RELN: variants seen among roughly 807,000 people sequenced by gnomAD.
The protein encoded by RELN is reelin.
Under a neutral mutation model 427.6 loss-of-function variants are expected in RELN, and 108 were observed. That is an observed-to-expected ratio of 0.25 (90% CI 0.22 to 0.30). The LOEUF is 0.30. Ranked by LOEUF, RELN falls within the 10% of genes least tolerant of loss-of-function variation. The pLI is 1.00. For missense variants in RELN, 3,715 were observed against 4,302.8 expected (o/e 0.86, Z 3.82); for synonymous variants, 1,524 against 1,513.4 (o/e 1.01, Z -0.16).
At chr7:103,583,314 C>T (rs930703450) in intron 28 of RELN, among the ~76,000 whole-genome samples, 1 of 152,128 alleles carries the variant, frequency 6.6e-6, no homozygotes, top group Admixed American at 6.5e-5. Context: ...ATCGTGTGAA[C>T]CAATTTCCCC....
At chr7:103,510,065 G>A (rs1168531800) in intron 51 of RELN, among the ~76,000 whole-genome samples, 5 of 152,204 alleles carry the variant, frequency 3.3e-5, no homozygotes, top group South Asian at 4.1e-4. Context: ...TGCAACCATC[G>A]TGGAAGACAG....
intron 8 of RELN, among the ~76,000 whole-genome samples, chr7:103,716,983 C>A (rs143418728): frequency 6.6e-6 from 1 of 152,016 alleles, no homozygotes; most frequent in Non-Finnish European, 1.5e-5. Context: ...ACAGTCCCCC[C>A]AAAATGTTAA....
intron 5 of RELN, among the ~76,000 whole-genome samples, chr7:103,751,647 C>A (rs71558649): frequency 1.3e-5 from 2 of 152,158 alleles, no homozygotes; most frequent in Non-Finnish European, 2.9e-5. Flanking sequence ...CCAATCTGGC[C>A]GAGACTTGGC....
At position 103,877,306 on chromosome 7, in the gene RELN, C is replaced by T. The variant is rs116027624; in HGVS notation, c.337+39769G>A. On this transcript the variant is annotated intron_variant, in intron 2 of 64. Coordinates refer to ENST00000428762, the MANE Select transcript of RELN (RefSeq NM_005045.4). ...CTTACAGTTGCATATTGGACACTTC[C>T]ATTTGAATATCCCAACATGTCTGCC... 6.1e-3 allele frequency among the ~76,000 whole-genome samples: 928 copies of T among 152,210 alleles called. 12 individuals carry two copies. Among genetic ancestry groups the T allele is most frequent in the African/African-American group, 0.022 (898 of 41,538 alleles).
intron 32 of RELN, 80 bp downstream of exon 32, chr7:103,566,521 A>C: frequency 1.3e-6 from 2 of 1,595,324 alleles, no homozygotes; most frequent in Admixed American, 3.3e-5. Flanking sequence ...ACAGCAAATT[A>C]AGAAACACAC....
At chr7:103,880,587 G>C (rs1794584872) in intron 2 of RELN, among the ~76,000 whole-genome samples, 1 of 152,140 alleles carries the variant, frequency 6.6e-6, no homozygotes, top group South Asian at 2.1e-4. Flanking sequence ...TCAAATTTCT[G>C]CTCCTTTTCT....
At chr7:103,982,253 A>T (rs79682390) in intron 1 of RELN, among the ~76,000 whole-genome samples, 2 of 152,200 alleles carry the variant, frequency 1.3e-5, no homozygotes, top group East Asian at 3.8e-4. Context: ...TAAATGGCAG[A>T]GCAAGATATG....
chr7:103,795,054 C>A (rs1792266110), intron 3 of RELN, among the ~76,000 whole-genome samples: 2 of 152,134 alleles, frequency 1.3e-5, no homozygotes, highest in African/African-American at 4.8e-5. Context: ...TCCCCTAATG[C>A]CAACTAGTAT....
intron 11 of RELN, among the ~76,000 whole-genome samples, chr7:103,680,177 G>A (rs78918772): frequency 5.9e-5 from 9 of 152,056 alleles, no homozygotes; most frequent in Non-Finnish European, 8.8e-5. Flanking sequence ...GGCACACACA[G>A]AGAAGGAGAG....
intron 2 of RELN, among the ~76,000 whole-genome samples, chr7:103,901,547 T>C (rs938782766): frequency 8.6e-5 from 13 of 152,040 alleles, no homozygotes; most frequent in African/African-American, 3.1e-4. Context: ...GGAATATCCA[T>C]ACTATGGAAT....
At chr7:103,514,730 A>G (rs1196182217) in intron 50 of RELN, among the ~76,000 whole-genome samples, 3 of 152,178 alleles carry the variant, frequency 2.0e-5, no homozygotes, top group Non-Finnish European at 4.4e-5. Flanking sequence ...TAGGGAATGA[A>G]GGGTAACAAG....
chr7:103,545,648 A>ATT (rs199794964), intron 41 of RELN, among the ~76,000 whole-genome samples: 16 of 146,806 alleles, frequency 1.1e-4, no homozygotes, highest in South Asian at 1.1e-3. Flanking sequence ...ATTTTGTTTT[A>ATT]TTTTTTTTTT....
In RELN at chr7:103,962,355, C is replaced by A. The variant is rs1404918647; in HGVS notation, c.226+26776G>T. ...TTCAGAACTGCGGCACTCTTTGCTT[C>A]TTTCTCTTGTCACAGCATCACTCCC... On this transcript the variant is annotated intron_variant, in intron 1 of 64. Transcript: ENST00000428762. 3.9e-5 allele frequency among the ~76,000 whole-genome samples: 6 copies of A among 152,242 alleles called. No homozygotes were observed. The Middle Eastern group carries it at 0.01, about 259-fold the overall frequency.
chr7:103,691,330 C>T (rs886892300), intron 10 of RELN, among the ~76,000 whole-genome samples: 2 of 151,842 alleles, frequency 1.3e-5, no homozygotes, highest in South Asian at 2.1e-4. Flanking sequence ...TAGATAGTCC[C>T]CCCCGCCAAA....
intron 24 of RELN, among the ~76,000 whole-genome samples, chr7:103,599,787 G>A (rs1831621483): frequency 6.6e-6 from 1 of 152,108 alleles, no homozygotes; most frequent in Non-Finnish European, 1.5e-5. Flanking sequence ...TGGAGCAAAG[G>A]GCTCATGCCT....
chr7:103,657,457 A>C (rs1017578705), intron 12 of RELN, among the ~76,000 whole-genome samples: 6 of 152,122 alleles, frequency 3.9e-5, no homozygotes, highest in African/African-American at 1.2e-4. Flanking sequence ...AGGACAAAAA[A>C]GGTGAATAAT....
At chr7:103,835,536 T>C (rs752289955) in intron 2 of RELN, among the ~76,000 whole-genome samples, 1 of 152,136 alleles carries the variant, frequency 6.6e-6, no homozygotes, top group Non-Finnish European at 1.5e-5. Context: ...GGAGGTTTTA[T>C]TGTGTGTAGG....
chr7:103,522,641 AC>A (rs1238752277), intron 47 of RELN, among the ~76,000 whole-genome samples: 1 of 152,184 alleles, frequency 6.6e-6, no homozygotes, highest in African/African-American at 2.4e-5. Flanking sequence ...AATAACTGTC[AC>A]TTCTTACCAA....
intron 2 of RELN, among the ~76,000 whole-genome samples, chr7:103,916,797 T>C (rs1260207832): frequency 1.3e-5 from 2 of 152,076 alleles, no homozygotes; most frequent in Non-Finnish European, 2.9e-5. Flanking sequence ...TAACAGAATA[T>C]GGAAATTTAC....
Sources: gnomAD v4.1 joint callset for allele counts (sites outside exome capture counted in the v4.1 genomes callset) on GRCh38, gnomAD v4.1.1 for gene constraint, MANE v1.5 for transcripts, NCBI Gene and HGNC (gene_info 2026-07-23, HGNC 2026-07-21) for gene names.